The following MADD variants were observed in gnomAD, a reference collection of about 807,000 sequenced individuals.
The protein encoded by MADD is MAP kinase-activating death domain protein.
Under a neutral mutation model 176.7 loss-of-function variants are expected in MADD, and 109 were observed. The ratio of observed to expected loss-of-function variants is 0.62; its 90% CI spans 0.53 to 0.72. MADD has a LOEUF of 0.72. MADD is among the 30% of genes least tolerant of loss of function. The pLI, the probability that MADD is intolerant of heterozygous loss-of-function variation, is 0.00. For missense variants in MADD, 1,914 were observed against 2,045.5 expected (o/e 0.94, Z 1.24); for synonymous variants, 771 against 771.3 (o/e 1.00, Z 0.01).
exon 10 of MADD, chr11:47,282,957 C>T: frequency 1.9e-6 from 3 of 1,613,668 alleles, no homozygotes; most frequent in African/African-American, 1.3e-5. Context: ...GACTCCGAAC[C>T]TACTGATGAT....
upstream of MADD, chr11:47,269,554 G>A (rs1958276712): frequency 6.6e-6 from 1 of 152,176 alleles, no homozygotes; most frequent in South Asian, 2.1e-4. Context: ...TCCTGAGGCG[G>A]GGCTGTCCTC....
intron 7 of MADD, among the ~76,000 whole-genome samples, chr11:47,280,452 A>G (rs1592037794): frequency 6.6e-6 from 1 of 152,116 alleles, no homozygotes; most frequent in East Asian, 1.9e-4. Flanking sequence ...AAGTTCAGAA[A>G]GTTCTCTAGC....
intron 19 of MADD, among the ~76,000 whole-genome samples, chr11:47,292,096 CT>C (rs2065834934): frequency 6.6e-6 from 1 of 152,176 alleles, no homozygotes; most frequent in Non-Finnish European, 1.5e-5. Context: ...ACTCTGGCTG[CT>C]TGAGGTGTTC....
At chr11:47,274,643 T>C in exon 3 of MADD, 1 of 1,614,214 alleles carries the variant, frequency 6.2e-7, no homozygotes, top group Non-Finnish European at 8.5e-7. Flanking sequence ...GAGTTTCCCC[T>C]GCCCCCAGAT....
In MADD at chr11:47,282,994, A is replaced by G. The variant is rs749666358; in HGVS notation, c.1862+25A>G. ...GGTGAGCATCCTTAGGGCAGCAAAA[A>G]GGTTTTAAAGGTGAGGAGGCTCTCA... On this transcript the variant is annotated intron_variant, in intron 10 of 32. Coordinates refer to ENST00000402192, the Ensembl canonical transcript of MADD. 3.1e-6 allele frequency: 5 copies of G among 1,603,868 alleles called. No individual in the cohort carries two copies. In the African/African-American group the frequency reaches 5.4e-5, roughly 17 times the overall value.
At chr11:47,318,369 A>G (rs1350873348) in intron 27 of MADD, among the ~76,000 whole-genome samples, 2 of 152,218 alleles carry the variant, frequency 1.3e-5, no homozygotes, top group Non-Finnish European at 2.9e-5. Context: ...GCTTACCCTG[A>G]AGCAGAAACA....
At chr11:47,296,181 A>C in intron 22 of MADD, 126 bp downstream of exon 24, 1 of 1,157,224 alleles carries the variant, frequency 8.6e-7, no homozygotes, top group Non-Finnish European at 1.2e-6. Context: ...TAATCTTCTT[A>C]TATTTGGCTT....
chr11:47,293,571 G>A (rs2067347984), intron 19 of MADD, among the ~76,000 whole-genome samples: 1 of 152,074 alleles, frequency 6.6e-6, no homozygotes, highest in Admixed American at 6.5e-5. Flanking sequence ...CCAAAGTGCT[G>A]GGATTACAGT....
exon 17 of MADD, chr11:47,289,926 G>C: frequency 2.5e-6 from 4 of 1,614,150 alleles, no homozygotes; most frequent in Non-Finnish European, 3.4e-6. Context: ...CAGGGAGTTG[G>C]CTGGCTCAAC....
intron 19 of MADD, 140 bp downstream of exon 21, chr11:47,292,736 C>T: frequency 4.0e-6 from 3 of 751,380 alleles, no homozygotes; most frequent in Non-Finnish European, 7.1e-6. Flanking sequence ...AGGTAGGTAG[C>T]ATGTGACTCC....
chr11:47,273,275 C>G (rs2046470983), intron 1 of MADD, among the ~76,000 whole-genome samples: 1 of 152,048 alleles, frequency 6.6e-6, no homozygotes, highest in Admixed American at 6.5e-5. Flanking sequence ...GAAACAGAGC[C>G]CCAGGCGTTA....
At chr11:47,304,468 C>T (rs905096173) in intron 22 of MADD, among the ~76,000 whole-genome samples, 4 of 152,172 alleles carry the variant, frequency 2.6e-5, no homozygotes, top group Admixed American at 6.5e-5. Flanking sequence ...CAACCTCAGG[C>T]GATCCACCCA....
chr11:47,269,485 G>A (rs1958246440), upstream of MADD: 2 of 152,368 alleles, frequency 1.3e-5, no homozygotes, highest in African/African-American at 2.4e-5. Context: ...AGAACCCAGT[G>A]TCGGTCCCCA....
intron 1 of MADD, 63 bp downstream of exon 1, chr11:47,270,309 GCT>G (rs1959144450): frequency 6.6e-6 from 1 of 152,098 alleles, no homozygotes; most frequent in African/African-American, 2.4e-5. Context: ...CGGGAGACGG[GCT>G]CTGAGAGGAC....
chr11:47,278,078 C>T, intron 5 of MADD, 87 bp from the exon 6 acceptor site: 2 of 869,094 alleles, frequency 2.3e-6, no homozygotes, highest in Non-Finnish European at 3.9e-6. Context: ...ATTGTATCTG[C>T]ATTTCCTTAT....
chr11:47,328,854 C>G (rs1240203659), intron 32 of MADD, 150 bp downstream of exon 36: 1 of 1,095,044 alleles, frequency 9.1e-7, no homozygotes, highest in African/African-American at 1.6e-5. Flanking sequence ...TGAAACAGGT[C>G]TTGAGCCCTG....
intron 27 of MADD, among the ~76,000 whole-genome samples, chr11:47,317,458 G>A (rs1451249419): frequency 6.6e-6 from 1 of 152,178 alleles, no homozygotes; most frequent in Non-Finnish European, 1.5e-5. Flanking sequence ...TGGATCGTTT[G>A]CCCTGTGGAG....
At chr11:47,290,848 G>A (rs1490610283) in intron 19 of MADD, 32 bp downstream of exon 20, 6 of 1,537,796 alleles carry the variant, frequency 3.9e-6, no homozygotes, top group Non-Finnish European at 1.8e-6. Flanking sequence ...GTGGTGGAGG[G>A]GTCCTGGCTT....
chr11:47,293,084 C>T (rs564778540), intron 19 of MADD, among the ~76,000 whole-genome samples: 33 of 152,110 alleles, frequency 2.2e-4, no homozygotes, highest in Non-Finnish European at 4.7e-4. Context: ...GGGTGGTTTT[C>T]ATCTCAAACA....
Sources: allele counts gnomAD v4.1 joint callset (sites outside exome capture counted in the v4.1 genomes callset), GRCh38; gene constraint gnomAD v4.1.1; transcripts MANE v1.5; gene names NCBI Gene and HGNC (gene_info 2026-07-23, HGNC 2026-07-21).